Variants in HERC4 observed in about 807,000 individuals in gnomAD.
The protein encoded by HERC4 is probable E3 ubiquitin-protein ligase HERC4.
A neutral mutation model predicts 124.3 loss-of-function variants in HERC4; 28 were observed. That is an observed-to-expected ratio of 0.23 (90% CI 0.17 to 0.31). HERC4 has a LOEUF of 0.31. HERC4 is among the 10% of genes least tolerant of loss of function. The pLI, the probability that HERC4 is intolerant of heterozygous loss-of-function variation, is 1.00. For missense variants in HERC4, 713 were observed against 1,229.3 expected (o/e 0.58, Z 6.28); for synonymous variants, 407 against 421.5 (o/e 0.97, Z 0.42).
At position 67,932,890 on chromosome 10, in the gene HERC4, G is replaced by A. The variant is rs996433062; in HGVS notation, c.2655-110C>T. 6.4e-5 allele frequency: 58 copies of A among 907,520 alleles called. No individual in the cohort carries two copies. In the South Asian group the frequency reaches 8.3e-4, roughly 13 times the overall value. 56.2% of individuals were successfully genotyped at this position (907,520 alleles called of 1,614,324 possible). Reference sequence around the variant, plus strand: ...CCTACAATTTCTGCTACATATCTACGAAACTGAGAATGTATGAGTAGCGTT... The same window carrying A: ...CCTACAATTTCTGCTACATATCTACAAAACTGAGAATGTATGAGTAGCGTT... On this transcript the variant is annotated intron_variant, in intron 22 of 24. Coordinates refer to ENST00000373700, the MANE Select transcript of HERC4 (RefSeq NM_015601.4).
intron 7 of HERC4, 44 bp downstream of exon 7, chr10:68,032,734 G>T (rs1335449789): frequency 2.1e-6 from 2 of 952,612 alleles, no homozygotes; most frequent in Non-Finnish European, 3.4e-6. Flanking sequence ...AATTATGAAA[G>T]AACTATGATG....
At chr10:68,064,834 T>A (rs1217392765) in intron 3 of HERC4, among the ~76,000 whole-genome samples, 1 of 150,832 alleles carries the variant, frequency 6.6e-6, no homozygotes, top group Non-Finnish European at 1.5e-5. Flanking sequence ...TAGCTGGGAG[T>A]GGTGGCACAC....
intron 23 of HERC4, among the ~76,000 whole-genome samples, chr10:67,927,968 C>T (rs767645112): frequency 6.6e-6 from 1 of 152,018 alleles, no homozygotes; most frequent in African/African-American, 2.4e-5. Context: ...AGACAGGATA[C>T]GTGTGCAGGA....
At chr10:67,962,183 A>G (rs1015852648) in intron 16 of HERC4, among the ~76,000 whole-genome samples, 2 of 151,536 alleles carry the variant, frequency 1.3e-5, no homozygotes, top group East Asian at 1.9e-4. Context: ...CTTGTAGGAC[A>G]TTTAAAAAGT....
rs919209223 is a variant in HERC4 at position 67,958,729 on chromosome 10, T to C, written c.1927-1753A>G. On this transcript the variant is annotated intron_variant, in intron 16 of 24. Coordinates refer to ENST00000373700, the MANE Select transcript of HERC4 (RefSeq NM_015601.4). ...TAATCAATTTTAAAAATGAAGTTTG[T>C]TTTACTTCTCTAATATAAAATGTTT... Among the ~76,000 whole-genome samples, 9 of 152,202 alleles carry C rather than the reference T, an allele frequency of 5.9e-5. No individual in the cohort carries two copies. In the East Asian group the frequency reaches 1.7e-3, roughly 29 times the overall value.
At chr10:68,060,374 AT>A (rs1179770838) in intron 3 of HERC4, among the ~76,000 whole-genome samples, 4 of 152,006 alleles carry the variant, frequency 2.6e-5, no homozygotes, top group African/African-American at 9.7e-5. Context: ...AGTAGCTGGG[AT>A]TACAGATGCA....
intron 24 of HERC4, 59 bp from the exon 25 acceptor site, chr10:67,923,198 T>C: frequency 1.6e-6 from 2 of 1,268,384 alleles, no homozygotes; most frequent in Non-Finnish European, 2.3e-6. Context: ...CAGTAGCAAG[T>C]AATATTTGGT....
chr10:67,939,576 CT>C lies in HERC4; in HGVS notation c.2571+11del. 1 of 1,572,070 alleles carries C rather than the reference CT, an allele frequency of 6.4e-7. No homozygotes were observed. Among genetic ancestry groups the C allele is most frequent in the Non-Finnish European group, 8.7e-7 (1 of 1,147,344 alleles). Reference sequence around the variant, plus strand: ...ATAAATAATCAGGCTAACCTATGTCCTTCCATCTTACCGTAAAATTAAGACA... The same window carrying C: ...ATAAATAATCAGGCTAACCTATGTCCTCCATCTTACCGTAAAATTAAGACA... On this transcript the variant is annotated intron_variant, in intron 21 of 24. Coordinates refer to ENST00000373700, the MANE Select transcript of HERC4 (RefSeq NM_015601.4).
chr10:67,957,650 T>C (rs1023015313), intron 16 of HERC4, among the ~76,000 whole-genome samples: 1 of 152,184 alleles, frequency 6.6e-6, no homozygotes, highest in African/African-American at 2.4e-5. Flanking sequence ...CACATTCTTG[T>C]AGTTGGAGGA....
chr10:67,928,852 C>T (rs1187177384), intron 23 of HERC4, among the ~76,000 whole-genome samples: 4 of 151,822 alleles, frequency 2.6e-5, no homozygotes, highest in African/African-American at 4.8e-5. Context: ...ACTTGGGAGG[C>T]GGAGGCTGCA....
intron 5 of HERC4, among the ~76,000 whole-genome samples, chr10:68,035,191 C>T (rs1301461697): frequency 1.4e-4 from 21 of 148,294 alleles, no homozygotes; most frequent in Admixed American, 4.7e-4. Context: ...CTTGCTCTGT[C>T]GCCCAGGTTG....
At chr10:68,003,248 G>A (rs773349202) in intron 9 of HERC4, among the ~76,000 whole-genome samples, 6 of 151,064 alleles carry the variant, frequency 4.0e-5, no homozygotes, top group Non-Finnish European at 8.8e-5. Flanking sequence ...TCCGCCTCCC[G>A]GGTTCATGCC....
chr10:67,970,413 G>A (rs1362619232), intron 15 of HERC4, among the ~76,000 whole-genome samples: 2 of 152,042 alleles, frequency 1.3e-5, no homozygotes, highest in Non-Finnish European at 2.9e-5. Context: ...CCAATGTGGT[G>A]AAACCCTGTC....
intron 19 of HERC4, among the ~76,000 whole-genome samples, chr10:67,949,816 G>A (rs1401087728): frequency 2.0e-5 from 3 of 152,074 alleles, no homozygotes; most frequent in African/African-American, 4.8e-5. Flanking sequence ...TCAGTAGTTT[G>A]AGACCAGCCT....
At chr10:67,930,825 G>A (rs1355419299) in intron 23 of HERC4, among the ~76,000 whole-genome samples, 3 of 152,098 alleles carry the variant, frequency 2.0e-5, no homozygotes, top group Non-Finnish European at 4.4e-5. Flanking sequence ...TATTACAGGA[G>A]TGTGCCACCA....
At chr10:67,965,501 A>G (rs368761462) in intron 16 of HERC4, 2 of 152,218 alleles carry the variant, frequency 1.3e-5, no homozygotes, top group East Asian at 1.9e-4. Context: ...GACTCAGGAG[A>G]AAAGTCAATG....
chr10:67,962,795 C>T (rs1450941527), intron 16 of HERC4, among the ~76,000 whole-genome samples: 1 of 152,030 alleles, frequency 6.6e-6, no homozygotes, highest in African/African-American at 2.4e-5. Flanking sequence ...TTATAGTGCA[C>T]ATAGAGAAAG....
chr10:67,971,599 T>G (rs1358135797), intron 15 of HERC4, among the ~76,000 whole-genome samples: 1 of 151,900 alleles, frequency 6.6e-6, no homozygotes, highest in African/African-American at 2.4e-5. Flanking sequence ...TAATAAACAC[T>G]CTCAGCAAAT....
At chr10:68,037,998 G>T in intron 5 of HERC4, 95 bp downstream of exon 5, 1 of 693,666 alleles carries the variant, frequency 1.4e-6, no homozygotes, top group Non-Finnish European at 2.5e-6. Flanking sequence ...GGGCAATCTT[G>T]CAGAAAGATG....
Sources: gnomAD v4.1 joint callset for allele counts (sites outside exome capture counted in the v4.1 genomes callset) on GRCh38, gnomAD v4.1.1 for gene constraint, MANE v1.5 for transcripts, NCBI Gene and HGNC (gene_info 2026-07-23, HGNC 2026-07-21) for gene names.